The following SPAG16 variants were observed in gnomAD, a reference collection of about 807,000 sequenced individuals.
SPAG16 encodes sperm associated antigen 16, also known as sperm-associated antigen 16 protein.
A neutral mutation model predicts 80.4 loss-of-function variants in SPAG16; 86 were observed. That is an observed-to-expected ratio of 1.07 (90% CI 0.90 to 1.28). The LOEUF is 1.28. Among genes scored for constraint, SPAG16 ranks in the 50% most tolerant of loss-of-function variants. The probability of loss-of-function intolerance (pLI) is 0.00; values close to 1 mark genes in which losing one functional copy is unlikely to be tolerated. For synonymous variants in SPAG16, 294 were observed against 265.9 expected (o/e 1.11, Z -1.03); for missense variants, 870 against 765.3 (o/e 1.14, Z -1.61).
At chr2:214,309,898 C>T (rs548541804) in intron 15 of SPAG16, among the ~76,000 whole-genome samples, 1 of 152,270 alleles carries the variant, frequency 6.6e-6, no homozygotes, top group Non-Finnish European at 1.5e-5. Flanking sequence ...TGTGGGGTGT[C>T]CTGCTGGAGA....
At chr2:213,354,792 A>G (rs899829925) in intron 7 of SPAG16, among the ~76,000 whole-genome samples, 1 of 152,014 alleles carries the variant, frequency 6.6e-6, no homozygotes, top group East Asian at 1.9e-4. Flanking sequence ...GATGGCAAAA[A>G]TTTTCTCCCA....
intron 8 of SPAG16, among the ~76,000 whole-genome samples, chr2:213,367,638 G>A (rs1183050151): frequency 2.0e-5 from 3 of 151,706 alleles, no homozygotes; most frequent in East Asian, 3.9e-4. Context: ...GGGGTTGTTT[G>A]TTTTTTTCTT....
chr2:213,836,610 ATTT>A (rs544670751), intron 10 of SPAG16, among the ~76,000 whole-genome samples: 8 of 151,400 alleles, frequency 5.3e-5, no homozygotes, highest in Non-Finnish European at 1.2e-4. Context: ...ATACTTTTTT[ATTT>A]TTTATTTTTT....
Position 213,340,182 on chromosome 2 carries a change from C to G in SPAG16, c.556C>G (p.Leu186Val). 1.9e-6 allele frequency: 3 copies of G among 1,609,392 alleles called. No homozygotes were observed. Among genetic ancestry groups the G allele is most frequent in the Middle Eastern group, 1.7e-4 (1 of 6,040 alleles). The change falls in exon 6 of 16, where the codon CTG (leucine) becomes GTG (valine). Residue 186 changes from leucine (L) to valine (V), a missense_variant. Transcript: ENST00000331683. ...TTTCAGCAAAGCTAGAGAAGATTTGCTGAAAATTCAGAAAGAACGTGATTT... is the reference window on the plus strand; with the variant it reads ...TTTCAGCAAAGCTAGAGAAGATTTGGTGAAAATTCAGAAAGAACGTGATTT... ...QAADKAREDL[L>V]KIQKERDFHR...
At chr2:213,461,006 C>T (rs1469240476) in intron 9 of SPAG16, among the ~76,000 whole-genome samples, 1 of 152,062 alleles carries the variant, frequency 6.6e-6, no homozygotes, top group Non-Finnish European at 1.5e-5. Flanking sequence ...ATTTCTACCT[C>T]AGAAGAATAG....
At chr2:213,367,377 A>C (rs150066232) in intron 8 of SPAG16, among the ~76,000 whole-genome samples, 29,801 of 152,032 alleles carry the variant, frequency 0.2, 3,875 homozygotes, top group Non-Finnish European at 0.3. Context: ...GTCTTTCATA[A>C]TGGCTGAACT....
chr2:213,564,996 GGTT>G (rs2059713775), intron 10 of SPAG16, among the ~76,000 whole-genome samples: 1 of 152,028 alleles, frequency 6.6e-6, no homozygotes, highest in Non-Finnish European at 1.5e-5. Flanking sequence ...AAAACTTACT[GGTT>G]GTTTTATAGT....
intron 13 of SPAG16, among the ~76,000 whole-genome samples, chr2:214,095,241 C>G (rs987829279): frequency 6.6e-6 from 1 of 151,974 alleles, no homozygotes; most frequent in African/African-American, 2.4e-5. Flanking sequence ...GTTTCTCTGG[C>G]CGGTTGTTTT....
At chr2:214,225,525 A>G (rs540702818) in intron 15 of SPAG16, among the ~76,000 whole-genome samples, 64 of 152,264 alleles carry the variant, frequency 4.2e-4, no homozygotes, top group Non-Finnish European at 7.9e-4. Context: ...ATATTAAGTT[A>G]CTATCTACTT....
At chr2:213,575,657 T>C (rs962820371) in intron 10 of SPAG16, among the ~76,000 whole-genome samples, 2 of 152,154 alleles carry the variant, frequency 1.3e-5, no homozygotes, top group African/African-American at 4.8e-5. Flanking sequence ...TTGCTTGATT[T>C]CAGTGTAATT....
At chr2:213,910,219 T>C (rs2106162564) in intron 11 of SPAG16, among the ~76,000 whole-genome samples, 1 of 152,338 alleles carries the variant, frequency 6.6e-6, no homozygotes, top group South Asian at 2.1e-4. Flanking sequence ...CACAGGTCAA[T>C]GAGACTACAA....
intron 14 of SPAG16, among the ~76,000 whole-genome samples, chr2:214,123,288 T>G (rs1219552885): frequency 1.4e-5 from 2 of 142,070 alleles, no homozygotes; most frequent in Non-Finnish European, 3.2e-5. Flanking sequence ...CTCCAATCAC[T>G]CCTATAGTCA....
intron 15 of SPAG16, among the ~76,000 whole-genome samples, chr2:214,228,419 A>C (rs1390903429): frequency 6.6e-6 from 1 of 151,938 alleles, no homozygotes; most frequent in Non-Finnish European, 1.5e-5. Flanking sequence ...CCTCATTTTT[A>C]TAAGTAATTT....
intron 9 of SPAG16, among the ~76,000 whole-genome samples, chr2:213,454,864 T>C (rs1295156062): frequency 6.6e-6 from 1 of 152,216 alleles, no homozygotes; most frequent in African/African-American, 2.4e-5. Flanking sequence ...AATTTTGTAA[T>C]ACAAGCACAA....
chr2:213,959,642 A>G (rs984901618), intron 12 of SPAG16, among the ~76,000 whole-genome samples: 5 of 152,208 alleles, frequency 3.3e-5, no homozygotes, highest in Non-Finnish European at 7.3e-5. Flanking sequence ...ATAATTACAC[A>G]GGTACTCTTC....
At chr2:214,104,110 G>A (rs1462692066) in intron 13 of SPAG16, among the ~76,000 whole-genome samples, 1 of 152,152 alleles carries the variant, frequency 6.6e-6, no homozygotes, top group Non-Finnish European at 1.5e-5. Context: ...TATCTCCCCA[G>A]GGGTCTCTAT....
rs146609251 is a variant in SPAG16, at chr2:214,315,101, G to A, written c.1721-95039G>A. 4.1e-4 allele frequency among the ~76,000 whole-genome samples: 63 copies of A among 152,234 alleles called. No homozygotes were observed. The East Asian group carries it at 0.011, about 28-fold the overall frequency. On this transcript the variant is annotated intron_variant, in intron 15 of 15. Transcript: ENST00000331683. Reference sequence around the variant, plus strand: ...GTTTCACTGTTTTTCAATAGCAAGAGAGGAATTAACAGCTAACTGAGGCAA... The same window carrying A: ...GTTTCACTGTTTTTCAATAGCAAGAAAGGAATTAACAGCTAACTGAGGCAA...
intron 12 of SPAG16, among the ~76,000 whole-genome samples, chr2:213,989,289 T>A (rs969009473): frequency 1.3e-5 from 2 of 152,086 alleles, no homozygotes; most frequent in African/African-American, 2.4e-5. Context: ...AGTTCCCTAA[T>A]GTTTACTTGC....
intron 10 of SPAG16, among the ~76,000 whole-genome samples, chr2:213,643,571 C>G (rs1358374778): frequency 6.7e-6 from 1 of 148,716 alleles, no homozygotes; most frequent in Non-Finnish European, 1.5e-5. Context: ...GAAAGTTCTC[C>G]GTTATTATCC....
Sources: allele counts gnomAD v4.1 joint callset (sites outside exome capture counted in the v4.1 genomes callset), GRCh38; gene constraint gnomAD v4.1.1; transcripts MANE v1.5; gene names NCBI Gene and HGNC (gene_info 2026-07-23, HGNC 2026-07-21).